Variants in ACOT12 observed in about 807,000 individuals in gnomAD.
ACOT12 encodes acyl-CoA thioesterase 12, also known as acetyl-coenzyme A thioesterase.
A neutral mutation model predicts 67.7 loss-of-function variants in ACOT12; 51 were observed. That is an observed-to-expected ratio of 0.75 (90% CI 0.60 to 0.95). ACOT12 has a LOEUF of 0.95. Ranked by LOEUF, ACOT12 falls within the 40% of genes least tolerant of loss-of-function variation. The pLI is 0.00. For missense variants in ACOT12, 734 were observed against 708.1 expected (o/e 1.04, Z -0.41); for synonymous variants, 251 against 244.6 (o/e 1.03, Z -0.24).
chr5:81,377,699 GACAA>G (rs1215739092), intron 2 of ACOT12, among the ~76,000 whole-genome samples: 1 of 152,000 alleles, frequency 6.6e-6, no homozygotes, highest in Non-Finnish European at 1.5e-5. Context: ...ACCAATAACA[GACAA>G]ACAGCCAAAT....
intron 11 of ACOT12, among the ~76,000 whole-genome samples, chr5:81,337,768 A>G (rs1759049773): frequency 6.6e-6 from 1 of 152,158 alleles, no homozygotes; most frequent in Admixed American, 6.5e-5. Context: ...GAGACAATAG[A>G]TTTCTAATGT....
intron 5 of ACOT12, among the ~76,000 whole-genome samples, chr5:81,358,007 C>CA (rs777333534): frequency 0.044 from 3,130 of 70,922 alleles, 80 homozygotes; most frequent in African/African-American, 0.068. Context: ...CCCCATCTCA[C>CA]AAAAAAAAAA....
the ACOT12 span, chr5:81,309,229 CA>C: frequency 1.1e-5 from 5 of 452,352 alleles, no homozygotes; most frequent in Non-Finnish European, 1.9e-5. Context: ...GTTAATAAAA[CA>C]AATCAGAAAA....
At chr5:81,371,281 C>T (rs964390673) in intron 3 of ACOT12, among the ~76,000 whole-genome samples, 4 of 152,130 alleles carry the variant, frequency 2.6e-5, no homozygotes, top group African/African-American at 9.7e-5. Flanking sequence ...GAGACAAAGT[C>T]TTGCTATGTC....
chr5:81,309,772 A>G, the ACOT12 span, among the ~76,000 whole-genome samples: 3 of 152,160 alleles, frequency 2.0e-5, no homozygotes, highest in Non-Finnish European at 4.4e-5. Context: ...TTCCTCACCT[A>G]TAGAGTGGAG....
the ACOT12 span, among the ~76,000 whole-genome samples, chr5:81,324,826 T>C: frequency 0.015 from 2,302 of 152,270 alleles, 48 homozygotes; most frequent in African/African-American, 0.052. Context: ...GCCATTAGAT[T>C]TGGCAATAGA....
intron 7 of ACOT12, 138 bp downstream of exon 7, chr5:81,345,747 T>C (rs1410781367): frequency 8.7e-7 from 1 of 1,151,560 alleles, no homozygotes; most frequent in Non-Finnish European, 1.2e-6. Flanking sequence ...GTTAAAAATA[T>C]GTTCATGGAT....
intron 5 of ACOT12, among the ~76,000 whole-genome samples, chr5:81,351,533 G>A (rs945668422): frequency 2.6e-5 from 4 of 152,044 alleles, no homozygotes; most frequent in Admixed American, 2.6e-4. Flanking sequence ...AATGGTGCTG[G>A]GAAAACTGGA....
At chr5:81,334,531 TTC>T (rs1174876462) in intron 12 of ACOT12, among the ~76,000 whole-genome samples, 1 of 152,220 alleles carries the variant, frequency 6.6e-6, no homozygotes, top group African/African-American at 2.4e-5. Context: ...CTCCTCCCAT[TTC>T]AACTCTAGCA....
At chr5:81,310,962 T>C in the ACOT12 span, among the ~76,000 whole-genome samples, 3 of 152,212 alleles carry the variant, frequency 2.0e-5, no homozygotes, top group Non-Finnish European at 4.4e-5. Context: ...CCATCATATC[T>C]CATTTCTTTT....
At chr5:81,328,417 G>A (rs781369172), downstream of ACOT12, among the ~76,000 whole-genome samples, 2 of 152,170 alleles carry the variant, frequency 1.3e-5, no homozygotes, top group Non-Finnish European at 2.9e-5. Flanking sequence ...ATAAATATCT[G>A]AATGAATGAA....
chr5:81,392,235 C>A (rs978245553), intron 1 of ACOT12, among the ~76,000 whole-genome samples: 1 of 152,142 alleles, frequency 6.6e-6, no homozygotes, highest in Non-Finnish European at 1.5e-5. Flanking sequence ...CTATAAAAAA[C>A]TCTGAGAAAA....
At chr5:81,336,838 C>T (rs1022759227) in intron 11 of ACOT12, among the ~76,000 whole-genome samples, 1 of 152,072 alleles carries the variant, frequency 6.6e-6, no homozygotes, top group Admixed American at 6.5e-5. Flanking sequence ...AAGGAGAAGG[C>T]TTTATTTAAA....
At chr5:81,334,434 C>T (rs974017411) in intron 12 of ACOT12, among the ~76,000 whole-genome samples, 11 of 152,196 alleles carry the variant, frequency 7.2e-5, no homozygotes, top group Admixed American at 7.2e-4. Context: ...GCGACTTAAG[C>T]GTCTGCATGA....
intron 7 of ACOT12, 130 bp downstream of exon 7, chr5:81,345,755 G>A (rs1759359845): frequency 1.6e-6 from 2 of 1,230,118 alleles, no homozygotes; most frequent in Non-Finnish European, 2.2e-6. Flanking sequence ...TATGTTCATG[G>A]ATTTTGAAAA....
At chr5:81,347,543 T>G (rs1478258179) in intron 6 of ACOT12, among the ~76,000 whole-genome samples, 1 of 152,256 alleles carries the variant, frequency 6.6e-6, no homozygotes, top group Non-Finnish European at 1.5e-5. Flanking sequence ...GTATTAAAAC[T>G]GTCATCTCAT....
intron 3 of ACOT12, among the ~76,000 whole-genome samples, chr5:81,367,588 CA>C (rs1760121630): frequency 6.6e-6 from 1 of 151,840 alleles, no homozygotes; most frequent in Admixed American, 6.6e-5. Context: ...AAAACACCAA[CA>C]GTGGAGATAA....
chr5:81,364,302 TATATA>T (rs1306810414), intron 3 of ACOT12, among the ~76,000 whole-genome samples: 1 of 151,300 alleles, frequency 6.6e-6, no homozygotes, highest in Non-Finnish European at 1.5e-5. Flanking sequence ...TACATACACA[TATATA>T]ATATCATATT....
the ACOT12 span, chr5:81,312,446 C>G: frequency 1.1e-6 from 1 of 872,752 alleles, no homozygotes; most frequent in Admixed American, 2.3e-5. Flanking sequence ...TGTGATTATT[C>G]ATATCAAAAT....
Sources: gnomAD v4.1 joint callset for allele counts (sites outside exome capture counted in the v4.1 genomes callset) on GRCh38, gnomAD v4.1.1 for gene constraint, MANE v1.5 for transcripts, NCBI Gene and HGNC (gene_info 2026-07-23, HGNC 2026-07-21) for gene names.